BIVM: variants seen among roughly 807,000 people sequenced by gnomAD.
The protein encoded by BIVM is basic immunoglobulin-like variable motif-containing protein.
BIVM carries 31 observed loss-of-function variants against 61.4 expected under a neutral mutation model. The observed-to-expected ratio is 0.51, with a 90% CI of 0.38 to 0.68. The LOEUF (loss-of-function observed/expected upper bound fraction) is 0.68. Among genes scored for constraint, BIVM ranks in the 30% least tolerant of loss-of-function variants. BIVM has a pLI of 0.00. For missense variants in BIVM, 526 were observed against 596.0 expected (o/e 0.88, Z 1.22); for synonymous variants, 189 against 210.7 (o/e 0.90, Z 0.89).
Position 102,814,556 on chromosome 13 carries a change from A to T in BIVM, c.479-1872A>T, listed in dbSNP as rs146728219. On this transcript the variant is annotated intron_variant, in intron 3 of 10. Coordinates refer to ENST00000257336, the MANE Select transcript of BIVM (RefSeq NM_017693.4). ...TTTTAAGTGGCTGGGAAAACTACTTAGGGAATTAAGTCATTATTAGGCAGT... is the reference window on the plus strand; with the variant it reads ...TTTTAAGTGGCTGGGAAAACTACTTTGGGAATTAAGTCATTATTAGGCAGT... 2.0e-3 allele frequency among the ~76,000 whole-genome samples: 306 copies of T among 152,298 alleles called. 3 individuals are homozygous for T. Among genetic ancestry groups the T allele is most frequent in the Middle Eastern group, 6.8e-3 (2 of 292 alleles).
chr13:102,800,496 T>C (rs1326228693), intron 1 of BIVM: 1 of 152,072 alleles, frequency 6.6e-6, no homozygotes, highest in East Asian at 1.9e-4. Context: ...GCAGCCGCGC[T>C]CCTTCCTCTC....
intron 8 of BIVM, among the ~76,000 whole-genome samples, chr13:102,832,417 G>A (rs1881154833): frequency 6.6e-6 from 1 of 152,148 alleles, no homozygotes; most frequent in African/African-American, 2.4e-5. Context: ...GTGCAGGCTG[G>A]TCTCAAACTC....
intron 3 of BIVM, 35 bp from the exon 4 acceptor site, chr13:102,816,393 A>G: frequency 6.7e-7 from 1 of 1,502,596 alleles, no homozygotes; most frequent in Non-Finnish European, 8.8e-7. Flanking sequence ...ACTTCATCTT[A>G]AGCATTTTGC....
chr13:102,803,347 A>C (rs550437729), intron 1 of BIVM, among the ~76,000 whole-genome samples: 2 of 152,036 alleles, frequency 1.3e-5, no homozygotes, highest in African/African-American at 4.8e-5. Flanking sequence ...TACTAAAAAT[A>C]CAAAAATTAG....
chr13:102,832,723 G>A (rs2140495029), intron 8 of BIVM, among the ~76,000 whole-genome samples: 1 of 152,278 alleles, frequency 6.6e-6, no homozygotes, highest in African/African-American at 2.4e-5. Flanking sequence ...GAAGCTCTGA[G>A]CCAATTTTTA....
chr13:102,814,294 T>C lies in BIVM; in HGVS notation c.479-2134T>C, dbSNP rs76143883. ...GGCGCTTTCACTTTGATGTGGCTTC[T>C]TTCCCTCAAGTCAAATGAACTTTTG... On this transcript the variant is annotated intron_variant, in intron 3 of 10. Transcript: ENST00000257336. Among the ~76,000 whole-genome samples, 215 of 152,338 alleles carry C rather than the reference T, an allele frequency of 1.4e-3. 3 individuals carry two copies. The South Asian group carries it at 0.017, about 12-fold the overall frequency.
Position 102,807,809 on chromosome 13 carries a change from T to C in BIVM, c.478+64T>C. 4 of 1,478,210 alleles carry C rather than the reference T, an allele frequency of 2.7e-6. No individual in the cohort carries two copies. The highest frequency in any genetic ancestry group is 3.6e-6 in the Non-Finnish European group (4 of 1,100,286). 91.6% of individuals were successfully genotyped at this position (1,478,210 alleles called of 1,614,324 possible). ...GAGAAAACAAACACTATGTCTTGTTTAATCTTGCCATTACACATAGTTTCC... is the reference window on the plus strand; with the variant it reads ...GAGAAAACAAACACTATGTCTTGTTCAATCTTGCCATTACACATAGTTTCC... On this transcript the variant is annotated intron_variant, in intron 3 of 10. Coordinates refer to ENST00000257336, the MANE Select transcript of BIVM (RefSeq NM_017693.4). The surrounding 1 kb of genome is among the most constrained non-coding windows in gnomAD (Gnocchi z 4.0).
intron 1 of BIVM, among the ~76,000 whole-genome samples, chr13:102,802,492 TG>T (rs1878807813): frequency 6.6e-6 from 1 of 152,210 alleles, no homozygotes; most frequent in South Asian, 2.1e-4. Flanking sequence ...TGCATTTTTT[TG>T]TAATGTTTTA....
intron 4 of BIVM, among the ~76,000 whole-genome samples, chr13:102,817,725 G>C (rs1034933521): frequency 6.7e-6 from 1 of 148,860 alleles, no homozygotes; most frequent in African/African-American, 2.5e-5. Flanking sequence ...GCCTTCTTCT[G>C]TAGCTTTCAC....
chr13:102,824,823 G>A (rs1215164088), intron 7 of BIVM, among the ~76,000 whole-genome samples: 1 of 152,138 alleles, frequency 6.6e-6, no homozygotes, highest in Non-Finnish European at 1.5e-5. Context: ...CAGTGGCTGT[G>A]ATCATGGCTT....
rs1236319572 is a variant in BIVM, at chr13:102,807,950, A to G, written c.478+205A>G. Among the ~76,000 whole-genome samples, 1 of 152,148 alleles carries G rather than the reference A, an allele frequency of 6.6e-6. No homozygotes were observed. The highest frequency in any genetic ancestry group is 2.4e-5 in the African/African-American group (1 of 41,430). On this transcript the variant is annotated intron_variant, in intron 3 of 10. Coordinates refer to ENST00000257336, the MANE Select transcript of BIVM (RefSeq NM_017693.4). The surrounding 1 kb of genome is among the most constrained non-coding windows in gnomAD (Gnocchi z 4.0). ...TGCGGGGCTTCCACTGGAAACTTCA[A>G]GCATAAGCTTTGTATCAAATATTTT...
intron 9 of BIVM, among the ~76,000 whole-genome samples, chr13:102,837,820 T>C (rs1311001932): frequency 1.3e-5 from 2 of 152,236 alleles, no homozygotes; most frequent in East Asian, 3.8e-4. Context: ...AAATATCATA[T>C]GTTTTCACTT....
chr13:102,816,421 A>G lies in BIVM; in HGVS notation c.479-7A>G, dbSNP rs764806108. 2.5e-6 allele frequency: 4 copies of G among 1,572,492 alleles called. No homozygotes were observed. The highest frequency in any genetic ancestry group is 3.4e-6 in the Non-Finnish European group (4 of 1,165,700). On this transcript the variant is annotated splice_polypyrimidine_tract_variant and splice_region_variant and intron_variant, in intron 3 of 10. Transcript: ENST00000257336. ...CATTTTGCTTATTTTATACTCTTGT[A>G]TTCTAGGCAATGCAAAGAAACAAGT...
At chr13:102,821,410 C>T (rs1035463934) in intron 5 of BIVM, among the ~76,000 whole-genome samples, 2 of 151,946 alleles carry the variant, frequency 1.3e-5, no homozygotes, top group African/African-American at 4.8e-5. Context: ...GCCTGGGCAA[C>T]AAAGCAAGAC....
At chr13:102,814,095 C>G (rs960738013) in intron 3 of BIVM, among the ~76,000 whole-genome samples, 5 of 151,740 alleles carry the variant, frequency 3.3e-5, no homozygotes, top group Admixed American at 2.0e-4. Flanking sequence ...CTGTGTGTGT[C>G]TGTCTGTCTG....
At position 102,839,569 on chromosome 13, in the gene BIVM, C is replaced by T. The variant is rs1881703705; in HGVS notation, c.1219-3C>T. The T allele has an allele frequency of 1.9e-6, 3 of 1,608,290 alleles. No homozygotes were observed. Among genetic ancestry groups the T allele is most frequent in the Non-Finnish European group, 2.5e-6 (3 of 1,177,586 alleles). ...TCTTCAGCCAACATTTTTTTCTTCT[C>T]AGGTTGGGGGAAATTTGCATTGCAT... On this transcript the variant is annotated splice_polypyrimidine_tract_variant and splice_region_variant and intron_variant, in intron 10 of 10. Transcript: ENST00000257336.
Position 102,816,616 on chromosome 13 carries a change from G to A in BIVM, c.605+62G>A, listed in dbSNP as rs1879883001. On this transcript the variant is annotated intron_variant, in intron 4 of 10. Transcript: ENST00000257336. Reference sequence around the variant, plus strand: ...ATATGTAATATATGTTGGCAATAACGTAGCAGTTTACAAATTAATACATTA... The same window carrying A: ...ATATGTAATATATGTTGGCAATAACATAGCAGTTTACAAATTAATACATTA... 1.2e-5 allele frequency: 16 copies of A among 1,371,770 alleles called. No homozygotes were observed. In the South Asian group the frequency reaches 1.5e-4, roughly 13 times the overall value. The allele number at this position is 1,371,770 out of a possible 1,614,324, so 85.0% of individuals were successfully genotyped here.
chr13:102,839,622 A>C lies in BIVM; in HGVS notation c.1269A>C (p.Gln423His), dbSNP rs1023272027. The C allele has an allele frequency of 4.3e-6, 7 of 1,614,080 alleles. No individual in the cohort carries two copies. Among genetic ancestry groups the C allele is most frequent in the Non-Finnish European group, 4.2e-6 (5 of 1,180,044 alleles). The part of the protein sequence containing the change: ...CIIAFQRLNW[Q>H]RFGLWNFPFG... ...TAGCATTCCAGAGACTTAACTGGCA[A>C]AGATTTGGCCTTTGGAACTTTCCAT... The change falls in exon 11 of 11, where the codon CAA becomes CAC. Residue 423 changes from glutamine (Q) to histidine (H), a missense_variant. By Grantham distance (24) the Gln-to-His change is conservative. Around this residue, in one of 3 missense-constraint regions of BIVM, gnomAD observed 210 missense variants for 233.1 expected, o/e 0.90. Transcript: ENST00000257336.
At position 102,810,762 on chromosome 13, in the gene BIVM, G is replaced by C. The variant is rs149963707; in HGVS notation, c.478+3017G>C. 6.7e-3 allele frequency among the ~76,000 whole-genome samples: 1,025 copies of C among 152,262 alleles called. 38 individuals carry two copies. The highest frequency in any genetic ancestry group is 0.06 in the Admixed American group (916 of 15,298). Reference sequence around the variant, plus strand: ...ATTTTTTATTTTGAAATAGGGTCTTGCTCTCTTGCCCAGGCTGGAGTGCAG... The same window carrying C: ...ATTTTTTATTTTGAAATAGGGTCTTCCTCTCTTGCCCAGGCTGGAGTGCAG... On this transcript the variant is annotated intron_variant, in intron 3 of 10. Coordinates refer to ENST00000257336, the MANE Select transcript of BIVM (RefSeq NM_017693.4).
Sources: gnomAD v4.1 joint callset for allele counts (sites outside exome capture counted in the v4.1 genomes callset) on GRCh38, gnomAD v4.1.1 for gene constraint, gnomAD v4.1.1 regional missense constraint, Gnocchi (gnomAD v3.1) non-coding constraint, MANE v1.5 for transcripts, NCBI Gene and HGNC (gene_info 2026-07-23, HGNC 2026-07-21) for gene names.